Variants in POLQ observed in about 807,000 individuals in gnomAD.
The protein encoded by POLQ is DNA polymerase theta, also known as epididymis secretory sperm binding protein.
Under a neutral mutation model 259.2 loss-of-function variants are expected in POLQ, and 233 were observed. The ratio of observed to expected loss-of-function variants is 0.90; its 90% CI spans 0.81 to 1.00. POLQ has a LOEUF of 1.00. POLQ is among the 50% of genes least tolerant of loss of function. POLQ has a pLI of 0.00. For synonymous variants in POLQ, 1,025 were observed against 1,048.8 expected (o/e 0.98, Z 0.44); for missense variants, 2,871 against 3,051.6 (o/e 0.94, Z 1.39).
In POLQ at chr3:121,510,066, T is replaced by G. The variant is rs747103097; in HGVS notation, c.1789A>C (p.Ser597Arg). ...MWLLENEFIQ[S>R]TEASDGTEGK... ...TCTGTTCCATCACTGGCTTCTGTAC[T>G]CTGGATGAATTCATTTTCTAGTAGC... is the stretch of plus-strand genomic sequence containing the variant. The change falls in exon 11 of 30, where the codon AGT (serine) becomes CGT (arginine). Residue 597 changes from serine to arginine, a missense_variant. Physicochemically the swap from Ser to Arg is moderately radical, Grantham distance 110 (BLOSUM62 -1). This residue lies in a region of POLQ where 783 missense variants were observed against 906.2 expected (regional missense o/e 0.86). Coordinates refer to ENST00000264233, the MANE Select transcript of POLQ (RefSeq NM_199420.4). 1.9e-6 allele frequency: 3 copies of G among 1,614,004 alleles called. No individual in the cohort carries two copies. In the Middle Eastern group the frequency reaches 4.9e-4, roughly 266 times the overall value.
At chr3:121,435,294 T>C (rs190632175) in intron 28 of POLQ, among the ~76,000 whole-genome samples, 103 of 152,238 alleles carry the variant, frequency 6.8e-4, no homozygotes, top group African/African-American at 2.3e-3. Flanking sequence ...CAAGAAATAA[T>C]TTATCCAAGC....
At chr3:121,434,577 A>G (rs1485709952) in intron 28 of POLQ, among the ~76,000 whole-genome samples, 3 of 152,210 alleles carry the variant, frequency 2.0e-5, no homozygotes, top group African/African-American at 7.2e-5. Context: ...ATAGTCCCAC[A>G]CTGAAAATGA....
chr3:121,445,920 T>C (rs1397095212), intron 26 of POLQ, among the ~76,000 whole-genome samples: 1 of 152,130 alleles, frequency 6.6e-6, no homozygotes, highest in African/African-American at 2.4e-5. Context: ...TTGTATACTT[T>C]GTTTCAATTT....
chr3:121,473,007 TGAGGTCAG>T (rs2047898000), intron 21 of POLQ, among the ~76,000 whole-genome samples: 1 of 152,176 alleles, frequency 6.6e-6, no homozygotes, highest in Non-Finnish European at 1.5e-5. Flanking sequence ...GAGGATCCCT[TGAGGTCAG>T]GAGTTCAAGA....
At chr3:121,532,481 T>C (rs992590363) in intron 6 of POLQ, among the ~76,000 whole-genome samples, 1 of 152,130 alleles carries the variant, frequency 6.6e-6, no homozygotes, top group African/African-American at 2.4e-5. Context: ...ACAACTACAT[T>C]TCCTCTCTCA....
intron 26 of POLQ, among the ~76,000 whole-genome samples, chr3:121,442,034 C>T (rs1199401166): frequency 6.6e-6 from 1 of 152,128 alleles, no homozygotes; most frequent in Non-Finnish European, 1.5e-5. Flanking sequence ...ATCGGATCGT[C>T]TAGCTTCTGA....
chr3:121,516,573 A>C (rs2048298628), intron 9 of POLQ, among the ~76,000 whole-genome samples: 1 of 152,210 alleles, frequency 6.6e-6, no homozygotes, highest in South Asian at 2.1e-4. Flanking sequence ...CACAAGAGGG[A>C]AGTTGAAATT....
rs755019827 is a variant in POLQ, at chr3:121,483,393, T to C, written c.5963A>G (p.Asp1988Gly). 6 of 1,539,092 alleles carry C rather than the reference T, an allele frequency of 3.9e-6. No individual in the cohort carries two copies. The South Asian group carries it at 5.2e-5, about 13-fold the overall frequency. ...TTAAATTAGACATAGAACCTTAGGATCTTCATAACTTTGCTCCAAGGAGAT... is the reference window on the plus strand; with the variant it reads ...TTAAATTAGACATAGAACCTTAGGACCTTCATAACTTTGCTCCAAGGAGAT... ...CGISLEQSYE[D>G]PKVACWLLDP... is the part of the protein sequence containing the mutation. The change falls in exon 18 of 30, where the codon GAT (aspartate) becomes GGT (glycine). Residue 1988 changes from aspartate to glycine, a missense_variant. Around this residue, in one of 3 missense-constraint regions of POLQ, gnomAD observed 2,080 missense variants for 2,126.0 expected, o/e 0.98. Coordinates refer to ENST00000264233, the MANE Select transcript of POLQ (RefSeq NM_199420.4).
intron 12 of POLQ, among the ~76,000 whole-genome samples, chr3:121,506,300 A>AAC (rs1264634476): frequency 6.6e-6 from 1 of 151,924 alleles, no homozygotes; most frequent in Non-Finnish European, 1.5e-5. Context: ...CAAAAACAAA[A>AAC]AAACACACAC....
At chr3:121,467,396 C>A in intron 24 of POLQ, 123 bp downstream of exon 24, 1 of 906,356 alleles carries the variant, frequency 1.1e-6, no homozygotes, top group South Asian at 1.7e-5. Flanking sequence ...CAGGCTCCAC[C>A]GTAGACAGAA....
intron 26 of POLQ, among the ~76,000 whole-genome samples, chr3:121,446,694 T>C (rs912398456): frequency 1.3e-5 from 2 of 152,244 alleles, no homozygotes; most frequent in African/African-American, 2.4e-5. Context: ...AAAGACATTA[T>C]ATAATGACCT....
chr3:121,541,323 A>G (rs759173408), intron 3 of POLQ, 26 bp downstream of exon 3: 4 of 1,549,754 alleles, frequency 2.6e-6, no homozygotes, highest in African/African-American at 1.4e-5. Context: ...GCCTTTCACT[A>G]TTTCAAACTT....
At chr3:121,545,009 G>T in intron 1 of POLQ, 103 bp from the exon 2 acceptor site, 1 of 652,346 alleles carries the variant, frequency 1.5e-6, no homozygotes, top group South Asian at 2.3e-5. Context: ...TTGAAATGAA[G>T]CTCTTTAAAG....
chr3:121,450,783 C>T lies in POLQ; in HGVS notation c.7153-1357G>A, dbSNP rs375445080. Reference sequence around the variant, plus strand: ...TTATGTGTCTTGGAGTTGCTCTTCTCGAGGAGTATCTTTGTGGTGTTCTCT... The same window carrying T: ...TTATGTGTCTTGGAGTTGCTCTTCTTGAGGAGTATCTTTGTGGTGTTCTCT... On this transcript the variant is annotated intron_variant, in intron 25 of 29. Coordinates refer to ENST00000264233, the MANE Select transcript of POLQ (RefSeq NM_199420.4). Among the ~76,000 whole-genome samples, 8 of 152,170 alleles carry T rather than the reference C, an allele frequency of 5.3e-5. No individual in the cohort carries two copies. In the East Asian group the frequency reaches 7.7e-4, roughly 15 times the overall value.
At chr3:121,523,122 C>A (rs1169766040) in intron 7 of POLQ, among the ~76,000 whole-genome samples, 1 of 152,088 alleles carries the variant, frequency 6.6e-6, no homozygotes, top group Non-Finnish European at 1.5e-5. Flanking sequence ...CTCAAGCAAT[C>A]CTCCTACCTC....
Position 121,487,507 on chromosome 3 carries a change from T to C in POLQ, c.5424A>G (p.Leu1808=). 1.9e-6 allele frequency: 3 copies of C among 1,614,148 alleles called. No individual in the cohort carries two copies. Among genetic ancestry groups the C allele is most frequent in the South Asian group, 1.1e-5 (1 of 91,082 alleles). Residue 1808 remains leucine (L), a synonymous_variant, in exon 16 of 30, where the codon TTA becomes TTG. Transcript: ENST00000264233. ...PISDTSFSLQ[L]SQDGLQLTPA... is the part of the protein sequence containing the mutation. ...GAGTTAACTGTAATCCATCCTGTGA[T>C]AACTGAAGTGAAAAGCTTGTGTCAC...
At chr3:121,433,685 A>G (rs1197830747) in intron 28 of POLQ, among the ~76,000 whole-genome samples, 1 of 152,200 alleles carries the variant, frequency 6.6e-6, no homozygotes, top group Non-Finnish European at 1.5e-5. Context: ...CTTAGTTACT[A>G]TTTCCTCATT....
chr3:121,522,071 C>G lies in POLQ; in HGVS notation c.1187G>C (p.Arg396Pro). The G allele has an allele frequency of 6.2e-7, 1 of 1,610,156 alleles. No homozygotes were observed. The highest frequency in any genetic ancestry group is 8.5e-7 in the Non-Finnish European group (1 of 1,177,600). Residue 396 changes from arginine to proline, a missense_variant, in exon 8 of 30, where the codon CGT (arginine) becomes CCT (proline). Around this residue, in one of 3 missense-constraint regions of POLQ, gnomAD observed 783 missense variants for 906.2 expected, o/e 0.86. Transcript: ENST00000264233. ...TACAGAGTCCAGTCCTGAAGGCAAACGTCTTAACTGATCCATCACTTCCAG... is the reference window on the plus strand; with the variant it reads ...TACAGAGTCCAGTCCTGAAGGCAAAGGTCTTAACTGATCCATCACTTCCAG... The part of the protein sequence containing the change: ...ELLEVMDQLR[R>P]LPSGLDSVLQ...
chr3:121,525,553 C>T (rs767203239), intron 7 of POLQ, among the ~76,000 whole-genome samples: 6 of 152,034 alleles, frequency 3.9e-5, no homozygotes, highest in Admixed American at 2.0e-4. Flanking sequence ...TACGCAAATA[C>T]ATTATAATTT....
Sources: gnomAD v4.1 joint callset for allele counts (sites outside exome capture counted in the v4.1 genomes callset) on GRCh38, gnomAD v4.1.1 for gene constraint, gnomAD v4.1.1 regional missense constraint, MANE v1.5 for transcripts, NCBI Gene and HGNC (gene_info 2026-07-23, HGNC 2026-07-21) for gene names.